Variants in FSTL5 observed in about 807,000 individuals in gnomAD.
The protein encoded by FSTL5 is follistatin like 5.
In FSTL5, 62 loss-of-function variants were observed where a neutral mutation model predicts 89.1. That is an observed-to-expected ratio of 0.70 (90% confidence interval 0.57 to 0.86). The LOEUF is 0.86. FSTL5 is among the 40% of genes least tolerant of loss of function. The probability of loss-of-function intolerance (pLI) is 0.00; values close to 1 mark genes in which losing one functional copy is unlikely to be tolerated. For missense variants in FSTL5, 1,057 were observed against 1,001.6 expected (o/e 1.06, Z -0.75); for synonymous variants, 383 against 346.2 (o/e 1.11, Z -1.18).
intron 11 of FSTL5, among the ~76,000 whole-genome samples, chr4:161,506,352 T>C (rs1730483568): frequency 6.6e-6 from 1 of 152,070 alleles, no homozygotes; most frequent in Non-Finnish European, 1.5e-5. Flanking sequence ...GGATTAAAGG[T>C]ATCAGCCACC....
chr4:161,982,370 T>C (rs1260401195), intron 3 of FSTL5, among the ~76,000 whole-genome samples: 4 of 152,224 alleles, frequency 2.6e-5, no homozygotes, highest in South Asian at 2.1e-4. Flanking sequence ...AAAATGTCTG[T>C]TGTAAAGATA....
At chr4:161,606,386 T>C (rs1734441055) in intron 7 of FSTL5, among the ~76,000 whole-genome samples, 1 of 151,832 alleles carries the variant, frequency 6.6e-6, no homozygotes, top group South Asian at 2.1e-4. Context: ...TAGCTGGGAC[T>C]ACAGGCGTAA....
chr4:161,491,656 C>T (rs912473033), intron 12 of FSTL5, among the ~76,000 whole-genome samples: 5 of 152,060 alleles, frequency 3.3e-5, no homozygotes, highest in Non-Finnish European at 5.9e-5. Flanking sequence ...GCCTGGTCAA[C>T]ATGCTGAAAC....
intron 6 of FSTL5, among the ~76,000 whole-genome samples, chr4:161,674,282 A>G (rs551910037): frequency 2.6e-5 from 4 of 152,216 alleles, no homozygotes; most frequent in African/African-American, 9.6e-5. Flanking sequence ...TTAAAAGAAA[A>G]TATTTGCCAA....
chr4:161,859,684 A>G (rs1485087849), intron 4 of FSTL5, among the ~76,000 whole-genome samples: 1 of 152,168 alleles, frequency 6.6e-6, no homozygotes, highest in African/African-American at 2.4e-5. Context: ...CCTTATCACC[A>G]TACATTCCTA....
intron 2 of FSTL5, among the ~76,000 whole-genome samples, chr4:162,066,318 TTC>T (rs70946242): frequency 0.089 from 3,479 of 39,166 alleles, 59 homozygotes; most frequent in South Asian, 0.18. Context: ...CTTCTTCTTC[TTC>T]TTCTTCTTCT....
At chr4:161,718,976 T>A (rs1461575424) in intron 6 of FSTL5, among the ~76,000 whole-genome samples, 2 of 152,182 alleles carry the variant, frequency 1.3e-5, no homozygotes, top group African/African-American at 2.4e-5. Flanking sequence ...AAGCCAAAAC[T>A]CTTCAAAATT....
At chr4:161,793,878 G>A (rs1264846385) in intron 4 of FSTL5, among the ~76,000 whole-genome samples, 1 of 152,064 alleles carries the variant, frequency 6.6e-6, no homozygotes, top group Admixed American at 6.6e-5. Context: ...CAAAGTGCTG[G>A]GATTACAGGT....
chr4:161,937,649 C>A (rs1246687062), intron 3 of FSTL5, among the ~76,000 whole-genome samples: 1 of 152,140 alleles, frequency 6.6e-6, no homozygotes, highest in East Asian at 1.9e-4. Context: ...GGGGAAAGAA[C>A]TCTGTGCTGA....
In FSTL5 at chr4:161,455,111, A is replaced by G. The variant is rs1733307080; in HGVS notation, c.1734T>C (p.Ser578=). The change falls in exon 15 of 16, where the codon AGT becomes AGC. Residue 578 remains serine (S), a synonymous_variant. Coordinates refer to ENST00000306100, the MANE Select transcript of FSTL5 (RefSeq NM_020116.5). The part of the protein sequence containing the change: ...SPTLQVITLA[S]GNVPHHTIHT... ...GGATCGTGTGGTGAGGCACATTCCC[A>G]CTGGCCAGGGTAATTACCTAAAGAG... is the stretch of plus-strand genomic sequence containing the variant. The G allele has an allele frequency of 6.2e-7, 1 of 1,609,526 alleles. No individual in the cohort carries two copies. The highest frequency in any genetic ancestry group is 8.5e-7 in the Non-Finnish European group (1 of 1,177,940).
chr4:161,791,428 T>A (rs1445249558), intron 4 of FSTL5, among the ~76,000 whole-genome samples: 1 of 152,216 alleles, frequency 6.6e-6, no homozygotes, highest in Non-Finnish European at 1.5e-5. Context: ...TAGCTGGTTT[T>A]GGCAAATACT....
chr4:161,782,056 C>G (rs1403109244), intron 4 of FSTL5, among the ~76,000 whole-genome samples: 1 of 152,160 alleles, frequency 6.6e-6, no homozygotes, highest in South Asian at 2.1e-4. Flanking sequence ...TCCAGCATGT[C>G]TTTTCATGAC....
Position 161,385,914 on chromosome 4 carries a change from A to T in FSTL5, c.2377T>A (p.Trp793Arg), listed in dbSNP as rs1223786847. Residue 793 changes from tryptophan (W) to arginine (R), a missense_variant, in exon 16 of 16, where the codon TGG becomes AGG. Trp to Arg is a moderately radical substitution (Grantham distance 101). Around this residue, in one of 3 missense-constraint regions of FSTL5, gnomAD observed 68 missense variants for 73.3 expected, o/e 0.93. Coordinates refer to ENST00000306100, the MANE Select transcript of FSTL5 (RefSeq NM_020116.5). ...TGGATTTGCCTGTTTTTCCGGTTCC[A>T]AGGCCATTCTTCTGCCTTGAGTGGT... is the stretch of plus-strand genomic sequence containing the variant. ...KEPLKAEEWP[W>R]NRKNRQIQDS... The T allele has an allele frequency of 6.2e-7, 1 of 1,613,958 alleles. No individual in the cohort carries two copies. Among genetic ancestry groups the T allele is most frequent in the South Asian group, 1.1e-5 (1 of 91,074 alleles).
chr4:161,632,329 G>C (rs1735530619), intron 7 of FSTL5, among the ~76,000 whole-genome samples: 1 of 152,160 alleles, frequency 6.6e-6, no homozygotes, highest in Non-Finnish European at 1.5e-5. Flanking sequence ...GCAATGAGCA[G>C]AGATCACGCC....
At chr4:161,977,639 A>AAATAAT (rs70937700) in intron 3 of FSTL5, among the ~76,000 whole-genome samples, 2,106 of 100,754 alleles carry the variant, frequency 0.021, 16 homozygotes, top group East Asian at 0.031. Context: ...AAAAAAAAAA[A>AAATAAT]AATAATAATA....
intron 13 of FSTL5, among the ~76,000 whole-genome samples, chr4:161,475,906 C>G (rs150933155): frequency 6.6e-6 from 1 of 151,906 alleles, no homozygotes; most frequent in Non-Finnish European, 1.5e-5. Flanking sequence ...CCCACCACCA[C>G]GCCCAGCTAA....
At chr4:161,887,009 T>C (rs903273860) in intron 4 of FSTL5, among the ~76,000 whole-genome samples, 6 of 152,174 alleles carry the variant, frequency 3.9e-5, no homozygotes, top group African/African-American at 1.4e-4. Context: ...TTATGACTGT[T>C]AACATTTTAT....
At chr4:162,104,695 C>G (rs984096025) in intron 2 of FSTL5, among the ~76,000 whole-genome samples, 1 of 152,172 alleles carries the variant, frequency 6.6e-6, no homozygotes, top group African/African-American at 2.4e-5. Flanking sequence ...AATGAACTGT[C>G]CTTTGTCTTT....
chr4:161,788,783 A>T (rs1384131454), intron 4 of FSTL5, among the ~76,000 whole-genome samples: 2 of 152,164 alleles, frequency 1.3e-5, no homozygotes, highest in Non-Finnish European at 2.9e-5. Context: ...CTGTAGTCTT[A>T]GCTACTCAAG....
Sources: gnomAD v4.1 joint callset for allele counts (sites outside exome capture counted in the v4.1 genomes callset) on GRCh38, gnomAD v4.1.1 for gene constraint, gnomAD v4.1.1 regional missense constraint, MANE v1.5 for transcripts, NCBI Gene and HGNC (gene_info 2026-07-23, HGNC 2026-07-21) for gene names.